The following USH2A variants were observed in gnomAD, a reference collection of about 807,000 sequenced individuals.
USH2A encodes the protein Usher syndrome 2A (autosomal recessive, mild).
USH2A carries 443 observed loss-of-function variants against 538.9 expected under a neutral mutation model. That is an observed-to-expected ratio of 0.82 (90% confidence interval 0.76 to 0.89). The LOEUF is 0.89. Among genes scored for constraint, USH2A ranks in the 40% least tolerant of loss-of-function variants. USH2A has a pLI of 0.00. For missense variants in USH2A, 6,633 were observed against 6,324.8 expected, an observed-to-expected ratio of 1.05 and a Z score of -1.65; for synonymous variants, 2,413 against 2,273.5, an observed-to-expected ratio of 1.06 and a Z score of -1.75.
At chr1:216,217,611 T>C in intron 14 of USH2A, 61 bp from the exon 15 acceptor site, 2 of 1,587,416 alleles carry the variant, frequency 1.3e-6, no homozygotes, top group South Asian at 2.3e-5. Flanking sequence ...ATTCATAGTA[T>C]AAGTTACACC....
intron 58 of USH2A, among the ~76,000 whole-genome samples, chr1:215,748,679 G>C (rs1187246423): frequency 6.6e-6 from 1 of 152,178 alleles, no homozygotes; most frequent in Non-Finnish European, 1.5e-5. Context: ...AGTGGTGTCA[G>C]ATAGATCAAA....
At chr1:215,925,482 T>C (rs535946599) in intron 38 of USH2A, among the ~76,000 whole-genome samples, 75 of 152,186 alleles carry the variant, frequency 4.9e-4, no homozygotes, top group Non-Finnish European at 8.4e-4. Flanking sequence ...GAACTGGATG[T>C]AATATAAATT....
chr1:215,932,297 C>CA (rs1306242253), intron 38 of USH2A, among the ~76,000 whole-genome samples: 1 of 151,976 alleles, frequency 6.6e-6, no homozygotes, highest in African/African-American at 2.4e-5. Context: ...ATTTATTATT[C>CA]ATTTCAGAAT....
Position 215,993,064 on chromosome 1 carries a change from G to A in USH2A, c.6761C>T (p.Pro2254Leu), listed in dbSNP as rs1230579970. ...VPAPKAHSYS[P>L]DSFNVSWTEP... The stretch of plus-strand genomic sequence containing the variant: ...AGTCCAGGAGACATTAAAGGAGTCA[G>A]GTGAATATGAGTGGGCTTTGGGGGC... The change falls in exon 35 of 72, where the codon CCT becomes CTT. Residue 2254 changes from proline (P) to leucine (L), a missense_variant. By Grantham distance (98) the Pro-to-Leu change is moderately conservative. Transcript: ENST00000307340. 1.5e-5 allele frequency: 24 copies of A among 1,613,996 alleles called. No individual in the cohort carries two copies. Among genetic ancestry groups the A allele is most frequent in the Non-Finnish European group, 2.0e-5 (24 of 1,179,986 alleles).
Position 216,040,956 on chromosome 1 carries a change from A to AT in USH2A, c.6325+5474dup, listed in dbSNP as rs199654607. ...GAACCTATACTTTTGATAAATATTT[A>AT]TTTTTTGCAGAAGGAAAATGCATAC... On this transcript the variant is annotated intron_variant, in intron 32 of 71. Coordinates refer to ENST00000307340, the MANE Select transcript of USH2A (RefSeq NM_206933.4). Among the ~76,000 whole-genome samples, 1,393 of 152,038 alleles carry AT rather than the reference A, an allele frequency of 9.2e-3. 19 individuals carry two copies. Among genetic ancestry groups the AT allele is most frequent in the African/African-American group, 0.032 (1,309 of 41,504 alleles).
intron 13 of USH2A, among the ~76,000 whole-genome samples, chr1:216,232,817 G>A (rs2035727439): frequency 6.6e-6 from 1 of 152,038 alleles, no homozygotes; most frequent in African/African-American, 2.4e-5. Context: ...TGCTACTGTA[G>A]GGGCTTTATC....
intron 61 of USH2A, among the ~76,000 whole-genome samples, chr1:215,701,703 A>G (rs1659023101): frequency 6.6e-6 from 1 of 152,138 alleles, no homozygotes; most frequent in Non-Finnish European, 1.5e-5. Flanking sequence ...TTTTGAGCCT[A>G]TGTGTGTCTT....
In USH2A at chr1:215,694,352, T is replaced by C. The variant is rs905252621; in HGVS notation, c.12067-13976A>G. ...ACTTTGGGAGGCCAAGGCGGGTAGATCAGGAGGTCAGGAGATCAAGACCAT... is the reference window on the plus strand; with the variant it reads ...ACTTTGGGAGGCCAAGGCGGGTAGACCAGGAGGTCAGGAGATCAAGACCAT... On this transcript the variant is annotated intron_variant, in intron 61 of 71. Coordinates refer to ENST00000307340, the MANE Select transcript of USH2A (RefSeq NM_206933.4). Among the ~76,000 whole-genome samples the C allele has an allele frequency of 2.6e-5, 4 of 152,266 alleles. No individual in the cohort carries two copies. The South Asian group carries it at 8.3e-4, about 32-fold the overall frequency.
In USH2A at chr1:215,888,607, A is replaced by G; in HGVS notation, c.8042T>C (p.Met2681Thr). The change falls in exon 41 of 72, where the codon ATG becomes ACG. Residue 2681 changes from methionine (M) to threonine (T), a missense_variant. Met to Thr is a moderately conservative substitution (Grantham distance 81). Coordinates refer to ENST00000307340, the MANE Select transcript of USH2A (RefSeq NM_206933.4). ...TLVTLPRSHS[M>T]RFIDKTSALS... ...AGCAGAAGTCTTGTCAATAAACCTC[A>G]TGGAATGACTCCTCGGGAGAGTCAC... 6.2e-7 allele frequency: 1 copy of G among 1,613,874 alleles called. No homozygotes were observed. Among genetic ancestry groups the G allele is most frequent in the East Asian group, 2.2e-5 (1 of 44,858 alleles).
chr1:215,734,203 G>T (rs771699579), intron 60 of USH2A, among the ~76,000 whole-genome samples: 4 of 152,144 alleles, frequency 2.6e-5, no homozygotes, highest in Non-Finnish European at 5.9e-5. Context: ...GCTACCAAGG[G>T]TTTGGTGTAC....
In USH2A at chr1:216,097,185, C is replaced by A. The variant is rs764411916; in HGVS notation, c.4656G>T (p.Val1552=). 6.2e-7 allele frequency: 1 copy of A among 1,614,142 alleles called. No individual in the cohort carries two copies. Among genetic ancestry groups the A allele is most frequent in the East Asian group, 2.2e-5 (1 of 44,868 alleles). ...TGIKASFRTK[V]PEGLIVFAAS... The stretch of plus-strand genomic sequence containing the variant: ...CTGCAAAGACAATCAAACCTTCAGG[C>A]ACTTTTGTTCGAAAGCTGGCCTTAA... The change falls in exon 22 of 72, where the codon GTG becomes GTT. Residue 1552 remains valine (V), a synonymous_variant. Coordinates refer to ENST00000307340, the MANE Select transcript of USH2A (RefSeq NM_206933.4).
chr1:216,291,002 T>C (rs951543450), intron 10 of USH2A, among the ~76,000 whole-genome samples: 1 of 152,182 alleles, frequency 6.6e-6, no homozygotes, highest in Non-Finnish European at 1.5e-5. Context: ...ACCTGGACTA[T>C]TGCAGCACCT....
intron 21 of USH2A, among the ~76,000 whole-genome samples, chr1:216,113,432 G>A (rs938164325): frequency 2.0e-5 from 3 of 152,052 alleles, no homozygotes; most frequent in African/African-American, 7.2e-5. Flanking sequence ...CCACTGTCAG[G>A]CAAAACATTT....
At chr1:216,115,258 C>T (rs1192728175) in intron 21 of USH2A, among the ~76,000 whole-genome samples, 1 of 152,166 alleles carries the variant, frequency 6.6e-6, no homozygotes, top group African/African-American at 2.4e-5. Flanking sequence ...TCTCCCACCT[C>T]AGCCTCCTGA....
chr1:216,162,143 C>T (rs1392153356), intron 21 of USH2A, among the ~76,000 whole-genome samples: 1 of 151,810 alleles, frequency 6.6e-6, no homozygotes, highest in Non-Finnish European at 1.5e-5. Flanking sequence ...CATTCTTTCA[C>T]TCTTTCCTTC....
Position 216,246,932 on chromosome 1 carries a change from A to T in USH2A, c.2462T>A (p.Val821Asp). Residue 821 changes from valine to aspartate, a missense_variant, in exon 13 of 72, where the codon GTT becomes GAT. Coordinates refer to ENST00000307340, the MANE Select transcript of USH2A (RefSeq NM_206933.4). ...KTGQCICKPNVEGRQCNKCLE... is the reference protein window; with the variant it reads ...KTGQCICKPNDEGRQCNKCLE... ...ACATTTATTGCACTGTCTCCCTTCA[A>T]CATTGGGCTTGCAGATGCACTGCCC... is the stretch of plus-strand genomic sequence containing the variant. The T allele has an allele frequency of 1.1e-5, 17 of 1,614,090 alleles. No individual in the cohort carries two copies. The highest frequency in any genetic ancestry group is 1.4e-5 in the Non-Finnish European group (17 of 1,179,986).
At chr1:216,054,662 C>CCCCCA (rs1415011255) in intron 30 of USH2A, among the ~76,000 whole-genome samples, 2 of 147,870 alleles carry the variant, frequency 1.4e-5, no homozygotes, top group African/African-American at 4.9e-5. Context: ...CCTCCTCCCT[C>CCCCCA]CCCCACCCCA....
intron 27 of USH2A, among the ~76,000 whole-genome samples, chr1:216,076,095 T>C (rs1243523118): frequency 6.6e-6 from 1 of 152,172 alleles, no homozygotes; most frequent in Admixed American, 6.5e-5. Flanking sequence ...TTTATATAGA[T>C]CAGTGTCTCT....
intron 9 of USH2A, 149 bp from the exon 10 acceptor site, chr1:216,292,519 C>T (rs2037022325): frequency 3.5e-6 from 3 of 864,978 alleles, no homozygotes; most frequent in East Asian, 2.8e-5. Context: ...TTTCGTAAGT[C>T]AGAAATAGCA....
Sources: gnomAD v4.1 joint callset for allele counts (sites outside exome capture counted in the v4.1 genomes callset) on GRCh38, gnomAD v4.1.1 for gene constraint, MANE v1.5 for transcripts, NCBI Gene and HGNC (gene_info 2026-07-23, HGNC 2026-07-21) for gene names.